NEK1: variants seen among roughly 807,000 people sequenced by gnomAD.
NEK1 encodes the protein NIMA related kinase 1, also known as serine/threonine-protein kinase Nek1.
NEK1 carries 137 observed loss-of-function variants against 182.1 expected under a neutral mutation model. The observed-to-expected ratio is 0.75, with a 90% CI of 0.65 to 0.87. The LOEUF (loss-of-function observed/expected upper bound fraction) is 0.87. Among genes scored for constraint, NEK1 ranks in the 40% least tolerant of loss-of-function variants. The probability of loss-of-function intolerance (pLI) is 0.00; values close to 1 mark genes in which losing one functional copy is unlikely to be tolerated. For synonymous variants in NEK1, 513 were observed against 492.2 expected (o/e 1.04, Z -0.56); for missense variants, 1,391 against 1,494.4 (o/e 0.93, Z 1.14).
intron 19 of NEK1, among the ~76,000 whole-genome samples, chr4:169,532,168 G>A (rs1278416196): frequency 3.9e-5 from 6 of 152,164 alleles, no homozygotes; most frequent in Non-Finnish European, 7.4e-5. Context: ...ATATGATGAT[G>A]GTGGCGGCTA....
At position 169,463,252 on chromosome 4, in the gene NEK1, T is replaced by C; in HGVS notation, c.2578A>G (p.Ile860Val). 1.3e-6 allele frequency: 2 copies of C among 1,560,078 alleles called. No homozygotes were observed. Among genetic ancestry groups the C allele is most frequent in the Non-Finnish European group, 1.7e-6 (2 of 1,153,872 alleles). The stretch of plus-strand genomic sequence containing the variant: ...ACCAGTTTCTCCTTACCACTTCTAA[T>C]AGTTGTATTTTCTAATAGTTCTGTC... ...LQTELLENTT[I>V]RSEISPEGEK... Residue 860 changes from isoleucine (I) to valine (V), a missense_variant, in exon 27 of 36, where the codon ATT (isoleucine) becomes GTT (valine). Around this residue, in one of 5 missense-constraint regions of NEK1, gnomAD observed 1,216 missense variants for 1,277.6 expected, o/e 0.95. Coordinates refer to ENST00000507142, the MANE Select transcript of NEK1 (RefSeq NM_001199397.3).
intron 23 of NEK1, among the ~76,000 whole-genome samples, chr4:169,490,417 A>G (rs556053479): frequency 1.2e-4 from 19 of 152,294 alleles, no homozygotes; most frequent in Middle Eastern, 3.4e-3. Flanking sequence ...AGGACACAAG[A>G]AACATGAAAA....
At chr4:169,563,796 G>T (rs1157179491) in intron 12 of NEK1, among the ~76,000 whole-genome samples, 1 of 152,176 alleles carries the variant, frequency 6.6e-6, no homozygotes, top group Non-Finnish European at 1.5e-5. Context: ...ACAAAAGTTA[G>T]TGTTAAGTTT....
chr4:169,539,702 T>C lies in NEK1; in HGVS notation c.1563-1791A>G, dbSNP rs1401130347. Among the ~76,000 whole-genome samples, 4 of 152,182 alleles carry C rather than the reference T, an allele frequency of 2.6e-5. No individual in the cohort carries two copies. The East Asian group carries it at 7.7e-4, about 29-fold the overall frequency. On this transcript the variant is annotated intron_variant, in intron 18 of 35. Coordinates refer to ENST00000507142, the MANE Select transcript of NEK1 (RefSeq NM_001199397.3). ...AAGGCAGATGAACCTTCAGGTATGA[T>C]GCTCAGACATGTCATCTGAAACTCT...
chr4:169,443,004 T>C (rs1012416534), intron 27 of NEK1, among the ~76,000 whole-genome samples: 2 of 152,108 alleles, frequency 1.3e-5, no homozygotes, highest in Admixed American at 1.3e-4. Flanking sequence ...ACCAATGTAC[T>C]CTAGCCTGGA....
chr4:169,553,737 A>G (rs906794679), intron 18 of NEK1, among the ~76,000 whole-genome samples: 7 of 152,228 alleles, frequency 4.6e-5, no homozygotes, highest in African/African-American at 1.7e-4. Context: ...GATGGCATGA[A>G]GCATATGAAA....
At chr4:169,461,991 A>G (rs1301684666) in intron 27 of NEK1, among the ~76,000 whole-genome samples, 2 of 152,142 alleles carry the variant, frequency 1.3e-5, no homozygotes, top group Non-Finnish European at 2.9e-5. Context: ...GATGAATACG[A>G]AGAATGAAAG....
At chr4:169,457,082 T>TG (rs1561221534) in intron 27 of NEK1, among the ~76,000 whole-genome samples, 1 of 151,942 alleles carries the variant, frequency 6.6e-6, no homozygotes, top group African/African-American at 2.4e-5. Flanking sequence ...TGGTGGGTGG[T>TG]GGGGGATGGT....
At chr4:169,452,426 C>T (rs1296031660) in intron 27 of NEK1, among the ~76,000 whole-genome samples, 1 of 152,174 alleles carries the variant, frequency 6.6e-6, no homozygotes, top group Non-Finnish European at 1.5e-5. Flanking sequence ...AAAATACTGG[C>T]AAACTGAATC....
intron 5 of NEK1, among the ~76,000 whole-genome samples, chr4:169,598,566 G>A (rs576125967): frequency 2.0e-5 from 3 of 152,004 alleles, no homozygotes; most frequent in Non-Finnish European, 4.4e-5. Flanking sequence ...CATGTGGCCC[G>A]GTGCCTAACA....
chr4:169,513,325 C>T (rs1030821964), intron 19 of NEK1, among the ~76,000 whole-genome samples: 2 of 152,110 alleles, frequency 1.3e-5, no homozygotes, highest in African/African-American at 4.8e-5. Flanking sequence ...TTCTTTTTCA[C>T]ATTCTTTGGA....
At chr4:169,405,234 A>G (rs2111081699) in intron 32 of NEK1, among the ~76,000 whole-genome samples, 1 of 152,342 alleles carries the variant, frequency 6.6e-6, no homozygotes, top group South Asian at 2.1e-4. Context: ...CCTAGGCTAC[A>G]AAGTAGAGCC....
chr4:169,423,639 T>C (rs981625082), intron 31 of NEK1, among the ~76,000 whole-genome samples: 7 of 152,208 alleles, frequency 4.6e-5, no homozygotes, highest in Non-Finnish European at 1.0e-4. Context: ...GACAGCACTA[T>C]AAACTATTTG....
intron 18 of NEK1, among the ~76,000 whole-genome samples, chr4:169,548,828 TAC>T (rs1760954566): frequency 6.6e-6 from 1 of 152,186 alleles, no homozygotes; most frequent in Non-Finnish European, 1.5e-5. Context: ...CGCTCCAAGC[TAC>T]AGTGTCCCAG....
chr4:169,426,426 C>T (rs564447996), intron 29 of NEK1, among the ~76,000 whole-genome samples, 192 bp from the exon 30 acceptor site: 1 of 152,236 alleles, frequency 6.6e-6, no homozygotes, highest in Admixed American at 6.5e-5. Context: ...AAATCCTCAC[C>T]AAATAGTAAT....
chr4:169,587,152 G>C (rs1235578798), intron 9 of NEK1, among the ~76,000 whole-genome samples: 2 of 151,824 alleles, frequency 1.3e-5, no homozygotes, highest in African/African-American at 4.8e-5. Context: ...ATTGATAAAA[G>C]TCATCAGTGA....
intron 29 of NEK1, among the ~76,000 whole-genome samples, chr4:169,430,359 AT>A (rs1737190952): frequency 1.3e-5 from 2 of 152,040 alleles, no homozygotes; most frequent in Admixed American, 1.3e-4. Flanking sequence ...ATTTATTTGT[AT>A]TTTTAGTAGG....
At chr4:169,506,188 C>T (rs943306587) in intron 23 of NEK1, among the ~76,000 whole-genome samples, 3 of 151,118 alleles carry the variant, frequency 2.0e-5, no homozygotes, top group South Asian at 4.2e-4. Flanking sequence ...AGGGGAAATG[C>T]GGAAAGAATT....
At chr4:169,510,203 C>A (rs1277869487) in intron 19 of NEK1, among the ~76,000 whole-genome samples, 3 of 152,158 alleles carry the variant, frequency 2.0e-5, no homozygotes, top group Non-Finnish European at 2.9e-5. Flanking sequence ...CATCCCCAGG[C>A]TTTAACATAT....
Sources: allele counts gnomAD v4.1 joint callset (sites outside exome capture counted in the v4.1 genomes callset), GRCh38; gene constraint gnomAD v4.1.1; regional missense constraint gnomAD v4.1.1; transcripts MANE v1.5; gene names NCBI Gene and HGNC (gene_info 2026-07-23, HGNC 2026-07-21).